PSMF1: variants seen among roughly 807,000 people sequenced by gnomAD.
The protein encoded by PSMF1 is proteasome inhibitor PI31 subunit.
In PSMF1, 30 loss-of-function variants were observed where a neutral mutation model predicts 29.3. That is an observed-to-expected ratio of 1.02 (90% CI 0.77 to 1.39). PSMF1 has a LOEUF of 1.39. Among genes scored for constraint, PSMF1 ranks in the 40% most tolerant of loss-of-function variants. The pLI is 0.00. For synonymous variants in PSMF1, 134 were observed against 139.7 expected, an observed-to-expected ratio of 0.96 and a Z score of 0.29; for missense variants, 344 against 357.5, an observed-to-expected ratio of 0.96 and a Z score of 0.31.
rs2086767267 is a variant in PSMF1, at chr20:1,169,365, G to A, written c.*4285G>A. On this transcript the variant is annotated 3_prime_UTR_variant, in exon 7 of 7. Transcript: ENST00000335877. ...TCACGAGTGGTAGTGCCCATGGGAGGTGCGAAGTGGAAGGCCCAGCCCTTG... is the reference window on the plus strand; with the variant it reads ...TCACGAGTGGTAGTGCCCATGGGAGATGCGAAGTGGAAGGCCCAGCCCTTG... Among the ~76,000 whole-genome samples, 1 of 152,160 alleles carries A rather than the reference G, an allele frequency of 6.6e-6. No individual in the cohort carries two copies. Among genetic ancestry groups the A allele is most frequent in the South Asian group, 2.1e-4 (1 of 4,832 alleles).
chr20:1,134,947 TG>T (rs2086282639), intron 3 of PSMF1, 173 bp from the exon 4 acceptor site: 1 of 712,254 alleles, frequency 1.4e-6, no homozygotes, highest in Non-Finnish European at 2.5e-6. Context: ...AGCGTGGGGC[TG>T]TTGCCCCCCT....
chr20:1,133,275 G>T (rs1055804974), intron 3 of PSMF1, among the ~76,000 whole-genome samples: 1 of 150,774 alleles, frequency 6.6e-6, no homozygotes, highest in Non-Finnish European at 1.5e-5. Flanking sequence ...TTAGTTTGTT[G>T]AGAGTTTTTA....
At chr20:1,115,604 T>A (rs577713000), upstream of PSMF1, among the ~76,000 whole-genome samples, 11 of 152,178 alleles carry the variant, frequency 7.2e-5, no homozygotes, top group South Asian at 2.1e-4. Context: ...CAATTAATCA[T>A]GGGCAAAGAG....
intron 1 of PSMF1, among the ~76,000 whole-genome samples, 164 bp from the exon 2 acceptor site, chr20:1,125,334 C>G (rs2086140487): frequency 6.6e-6 from 1 of 152,142 alleles, no homozygotes; most frequent in South Asian, 2.1e-4. Context: ...GACCTGGGCC[C>G]TAGACCTCTC....
intron 4 of PSMF1, among the ~76,000 whole-genome samples, chr20:1,136,160 C>A (rs2086303322): frequency 1.3e-5 from 2 of 152,080 alleles, no homozygotes; most frequent in Admixed American, 1.3e-4. Flanking sequence ...AATATTGAGT[C>A]CTGTGAAGAG....
chr20:1,113,840 C>T (rs1025349513), upstream of PSMF1, among the ~76,000 whole-genome samples: 2 of 152,044 alleles, frequency 1.3e-5, no homozygotes, highest in African/African-American at 4.8e-5. Context: ...TACAGGTGCC[C>T]GCCACCACGC....
At chr20:1,146,205 G>T (rs2086447466) in intron 4 of PSMF1, among the ~76,000 whole-genome samples, 1 of 152,106 alleles carries the variant, frequency 6.6e-6, no homozygotes, top group South Asian at 2.1e-4. Context: ...TGGAAGTGCT[G>T]CCTGAGTTGT....
intron 1 of PSMF1, among the ~76,000 whole-genome samples, chr20:1,120,562 T>C (rs2086074397): frequency 6.6e-6 from 1 of 152,174 alleles, no homozygotes; most frequent in Admixed American, 6.5e-5. Context: ...TCCCCACTTG[T>C]CTTACTCCAG....
rs2086743780 is a variant in PSMF1 at position 1,167,375 on chromosome 20, A to G, written c.*2295A>G. The stretch of plus-strand genomic sequence containing the variant: ...TTATTGAGATATAATTTACATACCC[A>G]TAATTTACATACCTGTTTAAAGTAT... On this transcript the variant is annotated 3_prime_UTR_variant, in exon 7 of 7. Coordinates refer to ENST00000335877, the MANE Select transcript of PSMF1 (RefSeq NM_006814.5). The G allele has an allele frequency of 6.6e-6, 1 of 151,408 alleles. No homozygotes were observed. Among genetic ancestry groups the G allele is most frequent in the South Asian group, 2.1e-4 (1 of 4,826 alleles). 9.4% of individuals were successfully genotyped at this position (151,408 alleles called of 1,614,324 possible).
chr20:1,122,116 C>A (rs1305118166), intron 1 of PSMF1, among the ~76,000 whole-genome samples: 1 of 152,032 alleles, frequency 6.6e-6, no homozygotes, highest in African/African-American at 2.4e-5. Flanking sequence ...AGACAATTAT[C>A]TTTATTCTCT....
At chr20:1,149,444 C>T (rs1600164056) in intron 4 of PSMF1, among the ~76,000 whole-genome samples, 1 of 152,274 alleles carries the variant, frequency 6.6e-6, no homozygotes, top group East Asian at 1.9e-4. Context: ...CAGATCTGCT[C>T]AAAGTTGACA....
intron 2 of PSMF1, chr20:1,125,917 A>G (rs1169500637): frequency 1.7e-6 from 1 of 596,348 alleles, no homozygotes. Flanking sequence ...GTGACAAGAT[A>G]GAAGGGAAAA....
chr20:1,171,872 G>T lies in PSMF1; in HGVS notation c.*6792G>T, dbSNP rs2086793521. Among the ~76,000 whole-genome samples the T allele has an allele frequency of 6.6e-6, 1 of 152,230 alleles. No individual in the cohort carries two copies. The highest frequency in any genetic ancestry group is 1.5e-5 in the Non-Finnish European group (1 of 68,042). Reference sequence around the variant, plus strand: ...CTCTCCTTCAGAAGGAAGTATGGGAGCAGTTCCATCCTCAAGGTTTCTTGG... The same window carrying T: ...CTCTCCTTCAGAAGGAAGTATGGGATCAGTTCCATCCTCAAGGTTTCTTGG... On this transcript the variant is annotated 3_prime_UTR_variant, in exon 7 of 7. Coordinates refer to ENST00000335877, the MANE Select transcript of PSMF1 (RefSeq NM_006814.5).
rs1448900573 is a variant in PSMF1 at position 1,161,033 on chromosome 20, A to G, written c.552-2097A>G. ...CTCTGGGCGCACCACTGGCATTGTC[A>G]TGGATTCTGGAGACGGAGTCACACA... is the stretch of plus-strand genomic sequence containing the variant. On this transcript the variant is annotated intron_variant, in intron 4 of 6. Coordinates refer to ENST00000335877, the MANE Select transcript of PSMF1 (RefSeq NM_006814.5). 9.9e-6 allele frequency: 4 copies of G among 402,510 alleles called. No individual in the cohort carries two copies. In the Admixed American group the frequency reaches 1.3e-4, roughly 13 times the overall value. 24.9% of individuals were successfully genotyped at this position (402,510 alleles called of 1,614,324 possible).
At chr20:1,158,231 CAA>C (rs2086619369) in intron 4 of PSMF1, among the ~76,000 whole-genome samples, 1 of 151,970 alleles carries the variant, frequency 6.6e-6, no homozygotes, top group African/African-American at 2.4e-5. Flanking sequence ...AAAAACTAAA[CAA>C]ATTGTAGCAC....
At chr20:1,115,414 A>C (rs879639687), upstream of PSMF1, among the ~76,000 whole-genome samples, 1 of 152,212 alleles carries the variant, frequency 6.6e-6, no homozygotes, top group Non-Finnish European at 1.5e-5. Flanking sequence ...TTTGCTGTAG[A>C]AAACGTAAAG....
Position 1,171,309 on chromosome 20 carries a change from A to G in PSMF1, c.*6229A>G, listed in dbSNP as rs2086787902. Among the ~76,000 whole-genome samples the G allele has an allele frequency of 6.6e-6, 1 of 152,104 alleles. No homozygotes were observed. Among genetic ancestry groups the G allele is most frequent in the Non-Finnish European group, 1.5e-5 (1 of 68,006 alleles). On this transcript the variant is annotated 3_prime_UTR_variant, in exon 7 of 7. Coordinates refer to ENST00000335877, the MANE Select transcript of PSMF1 (RefSeq NM_006814.5). ...AGGAAGAAACAGGCTCAAGAAACCC[A>G]TATGTGATGGGGAGCTCCTAACAGG...
At chr20:1,147,209 C>T (rs1195735497) in intron 4 of PSMF1, among the ~76,000 whole-genome samples, 9 of 151,864 alleles carry the variant, frequency 5.9e-5, no homozygotes, top group Middle Eastern at 3.2e-3. Context: ...AAGTAATTTC[C>T]CTTTCTTGGC....
chr20:1,159,827 C>T (rs766762796), intron 4 of PSMF1, among the ~76,000 whole-genome samples: 17 of 152,186 alleles, frequency 1.1e-4, no homozygotes, highest in Non-Finnish European at 1.5e-4. Context: ...CAGTATCCTG[C>T]GATTCCAGCC....
Sources: gnomAD v4.1 joint callset for allele counts (sites outside exome capture counted in the v4.1 genomes callset) on GRCh38, gnomAD v4.1.1 for gene constraint, MANE v1.5 for transcripts, NCBI Gene and HGNC (gene_info 2026-07-23, HGNC 2026-07-21) for gene names.